LARGE1: variants seen among roughly 807,000 people sequenced by gnomAD.
LARGE1 encodes the protein LARGE xylosyl- and glucuronyltransferase 1.
Under a neutral mutation model 87.6 loss-of-function variants are expected in LARGE1, and 43 were observed. The ratio of observed to expected loss-of-function variants is 0.49; its 90% confidence interval spans 0.38 to 0.63. The LOEUF (loss-of-function observed/expected upper bound fraction) is 0.63. Ranked by LOEUF, LARGE1 falls within the 30% of genes least tolerant of loss-of-function variation. LARGE1 has a pLI of 0.00. For missense variants in LARGE1, 802 were observed against 1,000.2 expected (o/e 0.80, Z 2.67); for synonymous variants, 434 against 394.6 (o/e 1.10, Z -1.18).
chr22:33,530,291 C>A (rs1390952987), intron 6 of LARGE1, among the ~76,000 whole-genome samples: 1 of 152,212 alleles, frequency 6.6e-6, no homozygotes, highest in East Asian at 1.9e-4. Flanking sequence ...GAATCAGGGG[C>A]CTTGGAAACA....
intron 5 of LARGE1, among the ~76,000 whole-genome samples, chr22:33,604,159 C>T (rs1318034993): frequency 6.6e-6 from 1 of 152,204 alleles, no homozygotes; most frequent in South Asian, 2.1e-4. Flanking sequence ...CTACCATAGA[C>T]CACTTTCAGA....
intron 10 of LARGE1, among the ~76,000 whole-genome samples, chr22:33,318,003 G>A (rs1184210670): frequency 6.6e-6 from 1 of 151,982 alleles, no homozygotes; most frequent in African/African-American, 2.4e-5. Context: ...TTGGGAGGCT[G>A]AGGCAGGTGG....
chr22:33,304,197 G>T (rs778479438), intron 12 of LARGE1, 32 bp downstream of exon 12: 23 of 1,612,718 alleles, frequency 1.4e-5, no homozygotes, highest in Non-Finnish European at 1.9e-5. Flanking sequence ...TGTGCCTTCT[G>T]GCCTGATGGC....
intron 1 of LARGE1, among the ~76,000 whole-genome samples, chr22:33,804,111 G>C (rs1401843338): frequency 6.6e-6 from 1 of 152,144 alleles, no homozygotes; most frequent in African/African-American, 2.4e-5. Flanking sequence ...ATACAGAAGA[G>C]AACATAGCAA....
At chr22:33,722,266 GGAGGGAGAGGGAGAGGAGGGA>G (rs2083124681) in intron 2 of LARGE1, among the ~76,000 whole-genome samples, 4 of 76,406 alleles carry the variant, frequency 5.2e-5, no homozygotes, top group Admixed American at 1.8e-4. Flanking sequence ...GAGAGGGAGA[GGAGGGAGAGGGAGAGGAGGGA>G]GAGGGAGAGG....
At chr22:33,152,933 G>A in the LARGE1 span, among the ~76,000 whole-genome samples, 1 of 151,982 alleles carries the variant, frequency 6.6e-6, no homozygotes, top group Non-Finnish European at 1.5e-5. Context: ...CCACTAGTTT[G>A]TCTTCTGCTG....
intron 1 of LARGE1, among the ~76,000 whole-genome samples, chr22:33,914,091 C>T (rs2065715360): frequency 6.6e-6 from 1 of 152,182 alleles, no homozygotes; most frequent in Non-Finnish European, 1.5e-5. Flanking sequence ...TTGGCTTCAA[C>T]TCCCAAATAA....
At chr22:33,109,427 G>A in the LARGE1 span, among the ~76,000 whole-genome samples, 11 of 152,106 alleles carry the variant, frequency 7.2e-5, no homozygotes, top group African/African-American at 2.4e-4. Flanking sequence ...CTGAGCTCAA[G>A]TGATCTTCCC....
intron 1 of LARGE1, among the ~76,000 whole-genome samples, chr22:33,840,401 T>G (rs9619378): frequency 0.024 from 3,712 of 152,314 alleles, 149 homozygotes; most frequent in African/African-American, 0.084. Context: ...TTTAAAACTA[T>G]TTTTGAAGAC....
intron 6 of LARGE1, among the ~76,000 whole-genome samples, chr22:33,498,975 A>C (rs1407247326): frequency 6.6e-6 from 1 of 152,192 alleles, no homozygotes; most frequent in Non-Finnish European, 1.5e-5. Flanking sequence ...CCGTCTCAAA[A>C]AAATAAATAC....
intron 9 of LARGE1, among the ~76,000 whole-genome samples, chr22:33,352,899 G>T (rs1569085846): frequency 6.6e-6 from 1 of 152,152 alleles, no homozygotes; most frequent in Non-Finnish European, 1.5e-5. Flanking sequence ...TTAAAAAAGG[G>T]AGTTCTACAA....
intron 2 of LARGE1, among the ~76,000 whole-genome samples, chr22:33,739,716 G>A (rs1224581170): frequency 6.6e-6 from 1 of 152,202 alleles, no homozygotes; most frequent in Non-Finnish European, 1.5e-5. Context: ...GCAGCCTGGG[G>A]AGAGGAGAAG....
At chr22:33,873,586 G>A (rs2064371434) in intron 1 of LARGE1, among the ~76,000 whole-genome samples, 1 of 152,138 alleles carries the variant, frequency 6.6e-6, no homozygotes, top group Admixed American at 6.5e-5. Context: ...CAGGAAGATA[G>A]CATGTCACAA....
chr22:33,818,528 G>A (rs2086725122), intron 1 of LARGE1, among the ~76,000 whole-genome samples: 4 of 152,138 alleles, frequency 2.6e-5, no homozygotes, highest in South Asian at 2.1e-4. Flanking sequence ...GGGGGACTGT[G>A]GCCCTGAGAA....
intron 6 of LARGE1, among the ~76,000 whole-genome samples, chr22:33,479,925 G>T (rs936358228): frequency 6.6e-6 from 1 of 151,806 alleles, no homozygotes; most frequent in African/African-American, 2.4e-5. Context: ...TTGTATTTTT[G>T]GTAGAGATGG....
chr22:33,250,816 A>T (rs928857617), intron 11 of LARGE1, among the ~76,000 whole-genome samples: 5 of 152,190 alleles, frequency 3.3e-5, no homozygotes, highest in Non-Finnish European at 5.9e-5. Context: ...ATTGATTTCA[A>T]ATTGAATCAG....
chr22:33,690,086 C>T (rs536559762), intron 2 of LARGE1, among the ~76,000 whole-genome samples: 16 of 152,174 alleles, frequency 1.1e-4, no homozygotes, highest in African/African-American at 3.4e-4. Flanking sequence ...GGGGAAGCTC[C>T]GCAGGGTATG....
At chr22:33,592,815 T>C (rs2078878525) in intron 5 of LARGE1, among the ~76,000 whole-genome samples, 1 of 150,900 alleles carries the variant, frequency 6.6e-6, no homozygotes, top group South Asian at 2.1e-4. Context: ...ATATTTTCTT[T>C]TTTTTTCTGT....
chr22:33,297,609 C>CA (rs201010972), intron 12 of LARGE1, among the ~76,000 whole-genome samples: 2,715 of 62,552 alleles, frequency 0.043, 69 homozygotes, highest in South Asian at 0.08. Context: ...GACTCCGTCT[C>CA]AAAAAAAAAA....
Sources: allele counts gnomAD v4.1 joint callset (sites outside exome capture counted in the v4.1 genomes callset), GRCh38; gene constraint gnomAD v4.1.1; transcripts MANE v1.5; gene names NCBI Gene and HGNC (gene_info 2026-07-23, HGNC 2026-07-21).